The following CNOT4 variants were observed in gnomAD, a reference collection of about 807,000 sequenced individuals.
CNOT4 encodes CCR4-associated factor 4.
In CNOT4, 8 loss-of-function variants were observed where a neutral mutation model predicts 73.8. The ratio of observed to expected loss-of-function variants is 0.11; its 90% CI spans 0.06 to 0.20. The LOEUF is 0.20. CNOT4 is among the 10% of genes least tolerant of loss of function. The pLI is 1.00. For missense variants in CNOT4, 564 were observed against 883.4 expected (o/e 0.64, Z 4.58); for synonymous variants, 293 against 321.1 (o/e 0.91, Z 0.94).
intron 1 of CNOT4, among the ~76,000 whole-genome samples, chr7:135,469,814 GTTTT>G (rs34758430): frequency 2.7e-5 from 4 of 150,190 alleles, no homozygotes; most frequent in Non-Finnish European, 5.9e-5. Context: ...TGATGTGTGG[GTTTT>G]TTTGTTTGTT....
chr7:135,476,736 C>T (rs147623883), intron 1 of CNOT4, among the ~76,000 whole-genome samples: 183 of 152,240 alleles, frequency 1.2e-3, no homozygotes, highest in African/African-American at 4.3e-3. Context: ...CTTTGGGAGG[C>T]CAAGGCGGGC....
chr7:135,376,026 GA>G (rs906008111), intron 10 of CNOT4, among the ~76,000 whole-genome samples: 203 of 140,274 alleles, frequency 1.4e-3, no homozygotes, highest in East Asian at 0.012. Flanking sequence ...AAGTTCAGAG[GA>G]AAAAAAAAAA....
At chr7:135,372,845 G>A (rs6974963) in intron 10 of CNOT4, among the ~76,000 whole-genome samples, 5,359 of 152,106 alleles carry the variant, frequency 0.035, 322 homozygotes, top group African/African-American at 0.12. Flanking sequence ...GTGAGCCACC[G>A]CACCCAGCCT....
intron 2 of CNOT4, among the ~76,000 whole-genome samples, chr7:135,437,807 A>C (rs1799248491): frequency 6.6e-6 from 1 of 152,190 alleles, no homozygotes; most frequent in South Asian, 2.1e-4. Context: ...ATGTTTTTCT[A>C]ATTTCATGCA....
intron 1 of CNOT4, among the ~76,000 whole-genome samples, chr7:135,473,365 A>T (rs1482378497): frequency 1.3e-5 from 2 of 152,208 alleles, no homozygotes; most frequent in Non-Finnish European, 2.9e-5. Flanking sequence ...GGCTAAATAA[A>T]ACAAAAAAAA....
intron 2 of CNOT4, among the ~76,000 whole-genome samples, chr7:135,426,615 A>AAAG (rs1360914636): frequency 2.6e-4 from 39 of 150,828 alleles, no homozygotes; most frequent in Non-Finnish European, 4.9e-4. Flanking sequence ...AAAAAAAAAA[A>AAAG]AAAGAAAGAA....
chr7:135,490,755 T>G (rs1273200362), intron 1 of CNOT4, among the ~76,000 whole-genome samples: 1 of 152,212 alleles, frequency 6.6e-6, no homozygotes, highest in African/African-American at 2.4e-5. Context: ...CTCATGAAAC[T>G]TCTTAAATGT....
intron 1 of CNOT4, among the ~76,000 whole-genome samples, chr7:135,440,091 T>C (rs756521762): frequency 6.6e-6 from 1 of 150,720 alleles, no homozygotes; most frequent in Non-Finnish European, 1.5e-5. Flanking sequence ...CTTAGCAACA[T>C]GGAAAGAAGA....
chr7:135,444,459 G>A (rs1029211841), intron 1 of CNOT4: 7 of 777,816 alleles, frequency 9.0e-6, no homozygotes, highest in African/African-American at 8.5e-5. Context: ...CGAGATGGCG[G>A]TTCTCTGGAG....
chr7:135,397,312 C>T (rs1311103858), intron 8 of CNOT4, among the ~76,000 whole-genome samples: 1 of 151,942 alleles, frequency 6.6e-6, no homozygotes, highest in African/African-American at 2.4e-5. Flanking sequence ...GATATCAAAA[C>T]ATTAAATTTT....
Position 135,396,107 on chromosome 7 carries a change from C to CCT in CNOT4, c.880-225_880-224insAG, listed in dbSNP as rs1796670336. 3.1e-5 allele frequency among the ~76,000 whole-genome samples: 3 copies of CCT among 95,436 alleles called. No individual in the cohort carries two copies. In the East Asian group the frequency reaches 7.7e-4, roughly 25 times the overall value. 62.6% of individuals were successfully genotyped at this position (95,436 alleles called of 152,430 possible). A position where few individuals can be genotyped will look rare whatever the true frequency, so the allele number is the denominator to read the frequency against. ...GCTTGAAAAGATTAAACTAGTCTCCCTTTTTTTTTTTTTTTTTTTTTTTTT... is the reference window on the plus strand; with the variant it reads ...GCTTGAAAAGATTAAACTAGTCTCCCCTTTTTTTTTTTTTTTTTTTTTTTTTT... On this transcript the variant is annotated intron_variant, in intron 8 of 11. Transcript: ENST00000541284.
intron 1 of CNOT4, chr7:135,444,820 C>G (rs1334617926): frequency 4.2e-5 from 68 of 1,605,024 alleles, no homozygotes; most frequent in Non-Finnish European, 5.5e-5. Context: ...TCGCAGAAAG[C>G]TGCCAAGGCA....
At chr7:135,470,182 T>A (rs1262669370) in intron 1 of CNOT4, among the ~76,000 whole-genome samples, 1 of 151,772 alleles carries the variant, frequency 6.6e-6, no homozygotes, top group Non-Finnish European at 1.5e-5. Context: ...GCACAGCAAC[T>A]GCAGTGGTGC....
chr7:135,435,665 G>A (rs1799113464), intron 2 of CNOT4, among the ~76,000 whole-genome samples: 1 of 152,028 alleles, frequency 6.6e-6, no homozygotes, highest in Admixed American at 6.5e-5. Flanking sequence ...TCATGATGTT[G>A]GTTTTCCTGA....
At chr7:135,479,254 G>A (rs995910025) in intron 1 of CNOT4, among the ~76,000 whole-genome samples, 3 of 130,398 alleles carry the variant, frequency 2.3e-5, no homozygotes, top group African/African-American at 9.1e-5. Flanking sequence ...CTGTCACCAG[G>A]CTGGAGTGCA....
chr7:135,429,309 T>C (rs1029580884), intron 2 of CNOT4, among the ~76,000 whole-genome samples: 2 of 152,194 alleles, frequency 1.3e-5, no homozygotes, highest in African/African-American at 4.8e-5. Context: ...CTTTCATTGA[T>C]ATTTTTCTTG....
chr7:135,371,243 G>C (rs1795192294), intron 10 of CNOT4, among the ~76,000 whole-genome samples: 1 of 152,196 alleles, frequency 6.6e-6, no homozygotes, highest in Non-Finnish European at 1.5e-5. Context: ...TGACTCCAAA[G>C]CATTTGTTCT....
intron 1 of CNOT4, among the ~76,000 whole-genome samples, chr7:135,466,751 T>C (rs1031579385): frequency 6.6e-6 from 1 of 152,184 alleles, no homozygotes; most frequent in African/African-American, 2.4e-5. Context: ...ATTTTTACTA[T>C]ACCTTTTTCA....
At chr7:135,401,586 TA>T (rs1036398942) in intron 7 of CNOT4, among the ~76,000 whole-genome samples, 6 of 152,110 alleles carry the variant, frequency 3.9e-5, no homozygotes, top group African/African-American at 1.4e-4. Context: ...AGATTTTTTT[TA>T]AAAAAACCAT....
Sources: gnomAD v4.1 joint callset for allele counts (sites outside exome capture counted in the v4.1 genomes callset) on GRCh38, gnomAD v4.1.1 for gene constraint, MANE v1.5 for transcripts, NCBI Gene and HGNC (gene_info 2026-07-23, HGNC 2026-07-21) for gene names.